STAU1: variants seen among roughly 807,000 people sequenced by gnomAD.
The protein encoded by STAU1 is double-stranded RNA-binding protein Staufen homolog 1.
In STAU1, 13 loss-of-function variants were observed where a neutral mutation model predicts 62.9. The ratio of observed to expected loss-of-function variants is 0.21; its 90% CI spans 0.13 to 0.33. STAU1 has a LOEUF of 0.33. STAU1 is among the 10% of genes least tolerant of loss of function. The pLI, the probability that STAU1 is intolerant of heterozygous loss-of-function variation, is 1.00. For missense variants in STAU1, 571 were observed against 712.1 expected, an observed-to-expected ratio of 0.80 and a Z score of 2.25; for synonymous variants, 269 against 265.1, an observed-to-expected ratio of 1.01 and a Z score of -0.14.
the STAU1 span, among the ~76,000 whole-genome samples, chr20:49,215,931 C>T: frequency 7.0e-6 from 1 of 141,858 alleles, no homozygotes; most frequent in Non-Finnish European, 1.5e-5. Context: ...TCATTTGAAC[C>T]CAGGAGGCAG....
intron 13 of STAU1, among the ~76,000 whole-genome samples, chr20:49,115,339 C>T (rs1419620259): frequency 2.6e-5 from 4 of 151,904 alleles, no homozygotes; most frequent in Admixed American, 2.0e-4. Flanking sequence ...CTTGCTCTGT[C>T]GCCCAGGCTG....
chr20:49,176,397 G>C (rs1294679799), intron 1 of STAU1, among the ~76,000 whole-genome samples: 1 of 152,080 alleles, frequency 6.6e-6, no homozygotes, highest in African/African-American at 2.4e-5. Context: ...AAATTCTGCG[G>C]TCTGATTTAT....
chr20:49,124,650 C>T (rs1475455838), intron 6 of STAU1, 63 bp from the exon 7 acceptor site: 1 of 1,548,374 alleles, frequency 6.5e-7, no homozygotes, highest in Non-Finnish European at 8.9e-7. Flanking sequence ...CCAAGGCACA[C>T]TGGCTGGCAC....
At chr20:49,139,140 G>T (rs560680244) in intron 5 of STAU1, among the ~76,000 whole-genome samples, 32 of 152,258 alleles carry the variant, frequency 2.1e-4, no homozygotes, top group African/African-American at 6.5e-4. Context: ...AAAGTTCCTA[G>T]ATGAAAACAT....
In STAU1 at chr20:49,172,514, C is replaced by T. The variant is rs190024997; in HGVS notation, c.-85+1681G>A. ...GTAGTTCTGTGTGATATTTTCTTGA[C>T]TATGAAGGGGCTTGGTTCAACATAA... On this transcript the variant is annotated intron_variant, in intron 2 of 13. Transcript: ENST00000371856. Among the ~76,000 whole-genome samples the T allele has an allele frequency of 1.2e-3, 179 of 152,310 alleles. 2 individuals carry two copies. The highest frequency in any genetic ancestry group is 7.8e-4 in the Non-Finnish European group (53 of 68,026).
chr20:49,188,309 G>C lies in STAU1; in HGVS notation c.-353C>G, dbSNP rs529677344. On this transcript the variant is annotated 5_prime_UTR_variant, in exon 1 of 14. Transcript: ENST00000371856. ...AGGAAGCGGGAGCCGAGAGAGACGC[G>C]GCAGCCGCCGGCGCAAACGCTGAAG... The C allele has an allele frequency of 6.6e-6, 1 of 151,962 alleles. No homozygotes were observed. Among genetic ancestry groups the C allele is most frequent in the Non-Finnish European group, 1.5e-5 (1 of 67,998 alleles). 9.4% of individuals were successfully genotyped at this position (151,962 alleles called of 1,614,324 possible).
chr20:49,194,964 G>A, the STAU1 span, among the ~76,000 whole-genome samples: 22 of 151,824 alleles, frequency 1.4e-4, no homozygotes, highest in Non-Finnish European at 2.5e-4. Flanking sequence ...TAATAATAAC[G>A]GGAAACCATA....
chr20:49,134,270 A>G (rs1336729919), intron 6 of STAU1, among the ~76,000 whole-genome samples: 1 of 151,958 alleles, frequency 6.6e-6, no homozygotes, highest in Non-Finnish European at 1.5e-5. Flanking sequence ...CGTTTCTACT[A>G]AAAATACAAA....
At chr20:49,124,855 T>C (rs2092554471) in intron 6 of STAU1, among the ~76,000 whole-genome samples, 1 of 152,134 alleles carries the variant, frequency 6.6e-6, no homozygotes, top group East Asian at 1.9e-4. Flanking sequence ...GCTCACAGGC[T>C]GTCCTGAGTT....
chr20:49,214,741 A>G, the STAU1 span, among the ~76,000 whole-genome samples: 1 of 152,172 alleles, frequency 6.6e-6, no homozygotes. Context: ...TCAGGCATGA[A>G]TTTAGCTCTC....
At chr20:49,139,647 A>T (rs754221846) in intron 5 of STAU1, among the ~76,000 whole-genome samples, 1 of 151,284 alleles carries the variant, frequency 6.6e-6, no homozygotes, top group Non-Finnish European at 1.5e-5. Flanking sequence ...AATCACTTGA[A>T]CCCAGGAGGC....
chr20:49,119,942 C>T (rs1568819641), intron 9 of STAU1, 40 bp downstream of exon 9: 10 of 1,600,846 alleles, frequency 6.2e-6, no homozygotes, highest in South Asian at 1.1e-5. Context: ...TAGGGTGAGG[C>T]GAGAGACCAT....
chr20:49,162,337 G>A (rs2093461391), intron 3 of STAU1, among the ~76,000 whole-genome samples: 1 of 152,172 alleles, frequency 6.6e-6, no homozygotes, highest in South Asian at 2.1e-4. Flanking sequence ...TTTTAAGAGA[G>A]TCTCACATGG....
chr20:49,208,307 C>T, the STAU1 span, among the ~76,000 whole-genome samples: 2 of 152,080 alleles, frequency 1.3e-5, no homozygotes, highest in Non-Finnish European at 2.9e-5. Context: ...ATCTGCCCAC[C>T]TCAGTGACCC....
At chr20:49,190,052 C>G (rs1199834438), upstream of STAU1, among the ~76,000 whole-genome samples, 2 of 152,202 alleles carry the variant, frequency 1.3e-5, no homozygotes, top group Admixed American at 1.3e-4. Flanking sequence ...AAGCAACATT[C>G]AGATATTGTC....
chr20:49,166,621 A>C (rs1449073707), intron 2 of STAU1, among the ~76,000 whole-genome samples: 1 of 152,196 alleles, frequency 6.6e-6, no homozygotes, highest in African/African-American at 2.4e-5. Context: ...GAAAGTATGG[A>C]GAGGTTTCCA....
At chr20:49,206,745 A>T in the STAU1 span, among the ~76,000 whole-genome samples, 2 of 100,664 alleles carry the variant, frequency 2.0e-5, no homozygotes, top group African/African-American at 8.7e-5. Context: ...ATATATATAT[A>T]TATATATTTT....
intron 10 of STAU1, 76 bp from the exon 11 acceptor site, chr20:49,118,172 C>T (rs1000440397): frequency 4.6e-5 from 68 of 1,476,406 alleles, no homozygotes; most frequent in Middle Eastern, 1.7e-4. Context: ...TCAAACCCCA[C>T]GCTGGCCCTC....
intron 1 of STAU1, among the ~76,000 whole-genome samples, chr20:49,187,695 C>T (rs558493394): frequency 6.6e-6 from 1 of 152,108 alleles, no homozygotes; most frequent in South Asian, 2.1e-4. Context: ...GACACCTGGG[C>T]CGTGCTCTTA....
Sources: allele counts gnomAD v4.1 joint callset (sites outside exome capture counted in the v4.1 genomes callset), GRCh38; gene constraint gnomAD v4.1.1; transcripts MANE v1.5; gene names NCBI Gene and HGNC (gene_info 2026-07-23, HGNC 2026-07-21).